The following GOSR2 variants were observed in gnomAD, a reference collection of about 807,000 sequenced individuals.
GOSR2 encodes the protein golgi SNAP receptor complex member 2.
Under a neutral mutation model 27.9 loss-of-function variants are expected in GOSR2, and 20 were observed. That is an observed-to-expected ratio of 0.72 (90% CI 0.50 to 1.04). The LOEUF (loss-of-function observed/expected upper bound fraction) is 1.04, where lower values mean the gene tolerates loss of function less well. GOSR2 is among the 50% of genes least tolerant of loss of function. GOSR2 has a pLI of 0.00. For synonymous variants in GOSR2, 91 were observed against 98.8 expected (o/e 0.92, Z 0.47); for missense variants, 261 against 270.5 (o/e 0.97, Z 0.25).
intron 6 of GOSR2, among the ~76,000 whole-genome samples, chr17:46,974,934 T>A (rs2091432315): frequency 6.6e-6 from 1 of 151,872 alleles, no homozygotes; most frequent in African/African-American, 2.4e-5. Flanking sequence ...TCGTCATGCT[T>A]ATGAAAGTAC....
At chr17:46,943,274 G>A (rs576933504), downstream of GOSR2, among the ~76,000 whole-genome samples, 13 of 152,164 alleles carry the variant, frequency 8.5e-5, no homozygotes, top group Non-Finnish European at 1.8e-4. Context: ...GCCATTGGGT[G>A]CCCCTCATTA....
At chr17:46,929,041 C>G (rs763429504) in intron 1 of GOSR2, among the ~76,000 whole-genome samples, 1 of 152,128 alleles carries the variant, frequency 6.6e-6, no homozygotes, top group Non-Finnish European at 1.5e-5. Context: ...TTTAGCCTGT[C>G]ATTCCTCATT....
In GOSR2 at chr17:46,923,191, A is replaced by T; in HGVS notation, c.-2A>T. ...GGAGCCGTGGCCTGCGGGGCCGGCGACATGGATCCCCTGTTCCAGCAAACG... is the reference window on the plus strand; with the variant it reads ...GGAGCCGTGGCCTGCGGGGCCGGCGTCATGGATCCCCTGTTCCAGCAAACG... On this transcript the variant is annotated 5_prime_UTR_variant, in exon 1 of 6. Transcript: ENST00000640051. 6.5e-7 allele frequency: 1 copy of T among 1,544,736 alleles called. No homozygotes were observed. The highest frequency in any genetic ancestry group is 8.8e-7 in the Non-Finnish European group (1 of 1,140,890).
Position 46,929,562 on chromosome 17 carries a change from G to T in GOSR2, c.72G>T (p.Thr24=). The T allele has an allele frequency of 1.3e-6, 2 of 1,549,654 alleles. No individual in the cohort carries two copies. The highest frequency in any genetic ancestry group is 2.2e-5 in the South Asian group (2 of 89,792). Residue 24 remains threonine, a synonymous_variant, in exon 2 of 6, where the codon ACG becomes ACT. Coordinates refer to ENST00000640051, the MANE Select transcript of GOSR2 (RefSeq NM_004287.5). ...AGTCTTGCATGGGACGCCTGGAGACGGCAGACAAGCAGTCTGTGCACAGTG... is the reference window on the plus strand; with the variant it reads ...AGTCTTGCATGGGACGCCTGGAGACTGCAGACAAGCAGTCTGTGCACAGTG... ...EIQSCMGRLE[T]ADKQSVHIVE... is the part of the protein sequence containing the mutation.
At position 46,929,591 on chromosome 17, in the gene GOSR2, A is replaced by C. The variant is rs376231923; in HGVS notation, c.94+7A>C. 1.2e-4 allele frequency: 172 copies of C among 1,404,010 alleles called. No individual in the cohort carries two copies. Among genetic ancestry groups the C allele is most frequent in the Non-Finnish European group, 2.7e-5 (27 of 988,038 alleles). The allele number at this position is 1,404,010 out of a possible 1,614,324, so 87.0% of individuals were successfully genotyped here. A position where few individuals can be genotyped will look rare whatever the true frequency, so the allele number is the denominator to read the frequency against. On this transcript the variant is annotated splice_region_variant and intron_variant, in intron 2 of 5. Transcript: ENST00000640051. ...GACAAGCAGTCTGTGCACAGTGAGT[A>C]ATTAACTGTGGAGACCAGAGTCCTT...
chr17:46,932,112 G>T lies in GOSR2; in HGVS notation c.249G>T (p.Ala83=), dbSNP rs1057520593. ...LKYDVQHLQT[A]LRNFQHRRHA... Reference sequence around the variant, plus strand: ...ATGATGTCCAGCACCTGCAGACTGCGCTCAGAAACTTCCAGCATCGGCGCC... The same window carrying T: ...ATGATGTCCAGCACCTGCAGACTGCTCTCAGAAACTTCCAGCATCGGCGCC... Residue 83 remains alanine (A), a synonymous_variant, in exon 4 of 6, where the codon GCG becomes GCT. Transcript: ENST00000640051. 6.2e-7 allele frequency: 1 copy of T among 1,613,702 alleles called. No homozygotes were observed. Among genetic ancestry groups the T allele is most frequent in the Non-Finnish European group, 8.5e-7 (1 of 1,179,646 alleles).
At chr17:46,944,889 C>T (rs891844720), downstream of GOSR2, among the ~76,000 whole-genome samples, 4 of 152,100 alleles carry the variant, frequency 2.6e-5, no homozygotes, top group Admixed American at 2.6e-4. Flanking sequence ...CATAAGCCAC[C>T]GCAGCCGGCC....
At chr17:46,971,813 C>T (rs923542738), downstream of GOSR2, among the ~76,000 whole-genome samples, 2 of 152,214 alleles carry the variant, frequency 1.3e-5, no homozygotes, top group Non-Finnish European at 2.9e-5. Flanking sequence ...CCCCACTCAC[C>T]CATCTAACAT....
intron 6 of GOSR2, chr17:46,973,126 A>G (rs1309929606): frequency 1.3e-5 from 2 of 152,900 alleles, no homozygotes; most frequent in African/African-American, 4.9e-5. Context: ...CATGTGTGCA[A>G]CCCACATGTG....
chr17:46,936,306 G>T (rs954425546), intron 5 of GOSR2: 1 of 985,120 alleles, frequency 1.0e-6, no homozygotes, highest in African/African-American at 1.7e-5. Flanking sequence ...TCACACTGAT[G>T]AAGAGCCAGT....
intron 6 of GOSR2, among the ~76,000 whole-genome samples, chr17:46,974,142 C>G (rs1021911130): frequency 1.3e-5 from 2 of 152,246 alleles, no homozygotes; most frequent in African/African-American, 4.8e-5. Context: ...CTATCCCCGA[C>G]TCAGAGGACA....
intron 6 of GOSR2, among the ~76,000 whole-genome samples, chr17:46,950,221 C>A (rs907119029): frequency 2.6e-5 from 4 of 152,216 alleles, no homozygotes; most frequent in Non-Finnish European, 5.9e-5. Flanking sequence ...CTTCTCGTTC[C>A]TATCCCTCAC....
rs1333959291 is a variant in GOSR2, at chr17:46,932,329, G to A, written c.336+130G>A. The A allele has an allele frequency of 1.1e-5, 12 of 1,065,950 alleles. No homozygotes were observed. In the African/African-American group the frequency reaches 1.9e-4, roughly 17 times the overall value. 66.0% of individuals were successfully genotyped at this position (1,065,950 alleles called of 1,614,324 possible). A position where few individuals can be genotyped will look rare whatever the true frequency, so the allele number is the denominator to read the frequency against. ...GATGATGAGGAAACCAACTGGAAAT[G>A]ACAGGAACTTTGTGCATTGCCACAG... is the stretch of plus-strand genomic sequence containing the variant. On this transcript the variant is annotated intron_variant, in intron 4 of 5. Coordinates refer to ENST00000640051, the MANE Select transcript of GOSR2 (RefSeq NM_004287.5).
In GOSR2 at chr17:46,932,132, G is replaced by A. The variant is rs760503363; in HGVS notation, c.269G>A (p.Arg90Gln). Reference sequence around the variant, plus strand: ...ACTGCGCTCAGAAACTTCCAGCATCGGCGCCATGCAAGGGAGCAGCAGGAG... The same window carrying A: ...ACTGCGCTCAGAAACTTCCAGCATCAGCGCCATGCAAGGGAGCAGCAGGAG... Reference protein sequence around the residue: ...LQTALRNFQHRRHAREQQERQ... With the variant: ...LQTALRNFQHQRHAREQQERQ... Residue 90 changes from arginine (R) to glutamine (Q), a missense_variant, in exon 4 of 6, where the codon CGG becomes CAG. Arg to Gln is a conservative substitution (Grantham distance 43). Transcript: ENST00000640051. 9.9e-6 allele frequency: 16 copies of A among 1,613,860 alleles called. No homozygotes were observed. In the African/African-American group the frequency reaches 1.2e-4, roughly 12 times the overall value.
Position 46,940,485 on chromosome 17 carries a change from A to C in GOSR2, c.*1725A>C. On this transcript the variant is annotated 3_prime_UTR_variant, in exon 6 of 6. Transcript: ENST00000640051. ...AGCACTGCTGCGGTGCCAGGGACCT[A>C]GCGCAGGACTTTTGGTAATCCATAA... is the stretch of plus-strand genomic sequence containing the variant. 2 of 1,613,060 alleles carry C rather than the reference A, an allele frequency of 1.2e-6. No homozygotes were observed. Among genetic ancestry groups the C allele is most frequent in the Non-Finnish European group, 1.7e-6 (2 of 1,179,798 alleles).
intron 6 of GOSR2, among the ~76,000 whole-genome samples, chr17:46,951,445 C>T (rs980245111): frequency 1.3e-5 from 2 of 152,238 alleles, no homozygotes; most frequent in African/African-American, 4.8e-5. Context: ...CGCCAGCCCA[C>T]GTCTCCAGAT....
At chr17:46,952,458 G>A (rs1478327508) in intron 6 of GOSR2, among the ~76,000 whole-genome samples, 1 of 152,206 alleles carries the variant, frequency 6.6e-6, no homozygotes, top group Admixed American at 6.5e-5. Context: ...TGTTGATCTA[G>A]CAAGAAGTCC....
chr17:46,929,534 TC>T lies in GOSR2; in HGVS notation c.46del (p.Gln16SerfsTer17). The part of the protein sequence containing the change: ...FQQTHKQVHE[I>X]QSCMGRLETA... ...TCCTTTGATAGGCAGGTCCACGAGA[TC>T]CAGTCTTGCATGGGACGCCTGGAGA... On this transcript the variant is annotated frameshift_variant, in exon 2 of 6. Coordinates refer to ENST00000640051, the MANE Select transcript of GOSR2 (RefSeq NM_004287.5). LOFTEE classifies it high-confidence loss of function. The T allele has an allele frequency of 6.4e-7, 1 of 1,558,474 alleles. No homozygotes were observed. The highest frequency in any genetic ancestry group is 8.9e-7 in the Non-Finnish European group (1 of 1,129,342).
chr17:46,964,501 G>T (rs925380165), intron 6 of GOSR2: 1 of 152,398 alleles, frequency 6.6e-6, no homozygotes, highest in African/African-American at 2.4e-5. Context: ...GGACAGCTTC[G>T]CTGGCCTATT....
Sources: gnomAD v4.1 joint callset for allele counts (sites outside exome capture counted in the v4.1 genomes callset) on GRCh38, gnomAD v4.1.1 for gene constraint, MANE v1.5 for transcripts, NCBI Gene and HGNC (gene_info 2026-07-23, HGNC 2026-07-21) for gene names.